Variants in WNK2 observed in about 807,000 individuals in gnomAD.
WNK2 encodes WNK lysine deficient protein kinase 2.
In WNK2, 67 loss-of-function variants were observed where a neutral mutation model predicts 192.1. The ratio of observed to expected loss-of-function variants is 0.35; its 90% CI spans 0.29 to 0.43. The LOEUF (loss-of-function observed/expected upper bound fraction) is 0.43, where lower values mean the gene tolerates loss of function less well. WNK2 is among the 20% of genes least tolerant of loss of function. The pLI, the probability that WNK2 is intolerant of heterozygous loss-of-function variation, is 1.00. For missense variants in WNK2, 2,698 were observed against 3,089.7 expected (o/e 0.87, Z 3.01); for synonymous variants, 1,439 against 1,393.9 (o/e 1.03, Z -0.72).
chr9:93,244,506 G>T (rs1396813241), intron 7 of WNK2, among the ~76,000 whole-genome samples: 1 of 152,258 alleles, frequency 6.6e-6, no homozygotes. Flanking sequence ...AAGGCTGGGG[G>T]TGATGATGAA....
chr9:93,227,489 C>A (rs568750891), intron 2 of WNK2, among the ~76,000 whole-genome samples: 15 of 151,996 alleles, frequency 9.9e-5, no homozygotes, highest in Non-Finnish European at 1.6e-4. Flanking sequence ...ATTTTCCCAG[C>A]GACTGATGAT....
rs544201582 is a variant in WNK2 at position 93,274,355 on chromosome 9, A to G, written c.4033+5609A>G. ...GTGAAACCCCGTCTCTACTAAAAGT[A>G]CAAAAAATTAGCTGGGCATGGTGGC... is the stretch of plus-strand genomic sequence containing the variant. On this transcript the variant is annotated intron_variant, in intron 19 of 29. Coordinates refer to ENST00000427277, the MANE Select transcript of WNK2 (RefSeq NM_006648.4). 2.6e-5 allele frequency among the ~76,000 whole-genome samples: 4 copies of G among 152,200 alleles called. No individual in the cohort carries two copies. The East Asian group carries it at 7.7e-4, about 29-fold the overall frequency.
In WNK2 at chr9:93,193,462, C is replaced by T. The variant is rs542165551; in HGVS notation, c.681+7852C>T. On this transcript the variant is annotated intron_variant, in intron 2 of 29. Coordinates refer to ENST00000427277, the MANE Select transcript of WNK2 (RefSeq NM_006648.4). ...TCCAGTAGAGATGTGGAGAGCAAGC[C>T]GAGCCAGCAGGTGGAGGCTGGTTCC... 3.2e-4 allele frequency among the ~76,000 whole-genome samples: 49 copies of T among 152,344 alleles called. No homozygotes were observed. In the East Asian group the frequency reaches 5.6e-3, roughly 17 times the overall value.
At position 93,185,609 on chromosome 9, in the gene WNK2, A is replaced by G. The variant is rs533667034; in HGVS notation, c.680A>G (p.Gln227Arg). 4.7e-5 allele frequency: 75 copies of G among 1,608,648 alleles called. 1 individual carries two copies. The Admixed American group carries it at 1.2e-3, about 27-fold the overall frequency. ...TWVEVAWCEL[Q>R]DRKLTKLERQ... Reference sequence around the variant, plus strand: ...GTGGAGGTGGCCTGGTGTGAGCTGCAGGTGAGGGTGCCCCAGCCCGCAGGG... The same window carrying G: ...GTGGAGGTGGCCTGGTGTGAGCTGCGGGTGAGGGTGCCCCAGCCCGCAGGG... The change falls in exon 2 of 30, where the codon CAG becomes CGG. Residue 227 changes from glutamine to arginine, a missense_variant and splice_region_variant. Physicochemically the swap from Gln to Arg is conservative, Grantham distance 43. Coordinates refer to ENST00000427277, the MANE Select transcript of WNK2 (RefSeq NM_006648.4).
At position 93,234,897 on chromosome 9, in the gene WNK2, A is replaced by T. The variant is rs1333554279; in HGVS notation, c.1165A>T (p.Met389Leu). ...TGCCTTTGGGATGTGCATGCTGGAG[A>T]TGGCCACCTCGGAGTACCCCTACTC... is the stretch of plus-strand genomic sequence containing the variant. ...VYAFGMCMLE[M>L]ATSEYPYSEC... The change falls in exon 5 of 30, where the codon ATG (methionine) becomes TTG (leucine). Residue 389 changes from methionine to leucine, a missense_variant. Met to Leu is a conservative substitution (Grantham distance 15). This residue lies in a region of WNK2 where 230 missense variants were observed against 501.1 expected (regional missense o/e 0.46). Coordinates refer to ENST00000427277, the MANE Select transcript of WNK2 (RefSeq NM_006648.4). The T allele has an allele frequency of 6.2e-7, 1 of 1,614,078 alleles. No individual in the cohort carries two copies. The highest frequency in any genetic ancestry group is 2.2e-5 in the East Asian group (1 of 44,874).
At chr9:93,288,088 T>A (rs1267909804) in intron 19 of WNK2, among the ~76,000 whole-genome samples, 1 of 152,188 alleles carries the variant, frequency 6.6e-6, no homozygotes, top group Non-Finnish European at 1.5e-5. Flanking sequence ...TAAGGAAAAC[T>A]GGGCTCCAAG....
intron 8 of WNK2, among the ~76,000 whole-genome samples, chr9:93,251,360 G>A (rs1023075982): frequency 1.7e-4 from 25 of 151,436 alleles, no homozygotes; most frequent in African/African-American, 5.8e-4. Flanking sequence ...CTCGTGATCT[G>A]CCTGCCTCAG....
In WNK2 at chr9:93,293,008, C is replaced by T; in HGVS notation, c.5543C>T (p.Ser1848Phe). ...GCCACCGCCTTCCTGCAGAGGCCTT[C>T]TCGGGCCGGCTCGCTGGGCCCCGAG... is the stretch of plus-strand genomic sequence containing the variant. ...KKATAFLQRPSRAGSLGPETP... is the reference protein window; with the variant it reads ...KKATAFLQRPFRAGSLGPETP... The change falls in exon 23 of 30, where the codon TCT becomes TTT. Residue 1848 changes from serine (S) to phenylalanine (F), a missense_variant. Coordinates refer to ENST00000427277, the MANE Select transcript of WNK2 (RefSeq NM_006648.4). The T allele has an allele frequency of 6.3e-7, 1 of 1,593,456 alleles. No individual in the cohort carries two copies. Among genetic ancestry groups the T allele is most frequent in the Non-Finnish European group, 8.5e-7 (1 of 1,171,062 alleles).
intron 2 of WNK2, among the ~76,000 whole-genome samples, chr9:93,225,256 C>T (rs1345199838): frequency 2.6e-5 from 4 of 152,062 alleles, no homozygotes; most frequent in Non-Finnish European, 4.4e-5. Context: ...AATTAGCCAG[C>T]GTGGTAGCAT....
intron 2 of WNK2, among the ~76,000 whole-genome samples, chr9:93,228,454 G>T (rs35438673): frequency 0.16 from 24,797 of 152,092 alleles, 2,145 homozygotes; most frequent in South Asian, 0.28. Context: ...CTGTTTAGAA[G>T]TCCCCGGAAT....
intron 5 of WNK2, among the ~76,000 whole-genome samples, 196 bp downstream of exon 5, chr9:93,235,161 C>A (rs985467417): frequency 6.6e-6 from 1 of 152,196 alleles, no homozygotes; most frequent in Non-Finnish European, 1.5e-5. Flanking sequence ...GGGGTGGTTA[C>A]TCAAGGTCTC....
chr9:93,255,470 G>A (rs575324799), intron 9 of WNK2, among the ~76,000 whole-genome samples: 100 of 152,308 alleles, frequency 6.6e-4, no homozygotes, highest in African/African-American at 2.2e-3. Flanking sequence ...AGCCCAGCTT[G>A]ATCCCAGATA....
chr9:93,257,274 G>GGGGCT lies in WNK2; in HGVS notation c.2382+144_2382+148dup. The GGGGCT allele has an allele frequency of 1.0e-6, 1 of 968,706 alleles. No homozygotes were observed. The highest frequency in any genetic ancestry group is 3.0e-5 in the Admixed American group (1 of 33,884). The allele number at this position is 968,706 out of a possible 1,614,324, so 60.0% of individuals were successfully genotyped here. A position where few individuals can be genotyped will look rare whatever the true frequency, so the allele number is the denominator to read the frequency against. ...CTGGGGTTGGGCTGGCCAGGGAGTT[G>GGGGCT]GGGCTGGGCTGGGGAGTCCGGGCTG... On this transcript the variant is annotated intron_variant, in intron 11 of 29. Transcript: ENST00000427277. The surrounding 1 kb of genome is among the most constrained non-coding windows in gnomAD (Gnocchi z 4.7).
intron 23 of WNK2, among the ~76,000 whole-genome samples, chr9:93,296,468 TCTTCATCCTTCCTTCTCCCTCCTCCCC>T (rs1459812529): frequency 9.4e-5 from 2 of 21,196 alleles, no homozygotes; most frequent in African/African-American, 2.3e-4. Flanking sequence ...CCTTCCTCCT[TCTTCATCCTTCCTTCTCCCTCCTCCCC>T]CTCCATCCTC....
At chr9:93,282,401 T>A (rs1263590981) in intron 19 of WNK2, among the ~76,000 whole-genome samples, 1 of 152,006 alleles carries the variant, frequency 6.6e-6, no homozygotes, top group Non-Finnish European at 1.5e-5. Context: ...AGATGCTAGT[T>A]TTAACCCAAG....
chr9:93,229,641 G>C lies in WNK2; in HGVS notation c.682-55G>C. On this transcript the variant is annotated intron_variant, in intron 2 of 29. Transcript: ENST00000427277. The surrounding 1 kb of genome is among the most constrained non-coding windows in gnomAD (Gnocchi z 4.9). Reference sequence around the variant, plus strand: ...GGCGCTGCTGGGATGTGACGCCACCGTGTCCCCTTCTGTGTCCCATCTCTT... The same window carrying C: ...GGCGCTGCTGGGATGTGACGCCACCCTGTCCCCTTCTGTGTCCCATCTCTT... The C allele has an allele frequency of 6.4e-7, 1 of 1,570,176 alleles. No homozygotes were observed. The highest frequency in any genetic ancestry group is 8.7e-7 in the Non-Finnish European group (1 of 1,154,616).
chr9:93,200,208 T>C (rs1354501475), intron 2 of WNK2, among the ~76,000 whole-genome samples: 1 of 152,066 alleles, frequency 6.6e-6, no homozygotes, highest in Admixed American at 6.5e-5. Context: ...ATGGATGGCT[T>C]ATCGGGGGGC....
chr9:93,319,846 G>GC (rs929424145), intron 29 of WNK2, among the ~76,000 whole-genome samples: 3 of 152,204 alleles, frequency 2.0e-5, no homozygotes, highest in African/African-American at 7.2e-5. Context: ...GTGGCAGCCA[G>GC]CCCCCCAGCA....
At chr9:93,210,563 C>G (rs1021327332) in intron 2 of WNK2, among the ~76,000 whole-genome samples, 3 of 152,144 alleles carry the variant, frequency 2.0e-5, no homozygotes, top group African/African-American at 4.8e-5. Flanking sequence ...AGCCTCGTGA[C>G]CTTTGCTCTC....
Sources: allele counts gnomAD v4.1 joint callset (sites outside exome capture counted in the v4.1 genomes callset), GRCh38; gene constraint gnomAD v4.1.1; regional missense constraint gnomAD v4.1.1; non-coding constraint Gnocchi (gnomAD v3.1); transcripts MANE v1.5; gene names NCBI Gene and HGNC (gene_info 2026-07-23, HGNC 2026-07-21).